Variants in RFC3 observed in about 807,000 individuals in gnomAD.
The protein encoded by RFC3 is replication factor C subunit 3, also known as A1 38 kDa subunit.
In RFC3, 41 loss-of-function variants were observed where a neutral mutation model predicts 45.1. The ratio of observed to expected loss-of-function variants is 0.91; its 90% confidence interval spans 0.71 to 1.18. RFC3 has a LOEUF of 1.18. Among genes scored for constraint, RFC3 ranks in the 50% most tolerant of loss-of-function variants. RFC3 has a pLI of 0.00. For synonymous variants in RFC3, 149 were observed against 144.0 expected (o/e 1.03, Z -0.25); for missense variants, 423 against 428.1 (o/e 0.99, Z 0.10).
At chr13:33,874,614 C>A (rs945499828) in intron 8 of RFC3, among the ~76,000 whole-genome samples, 1 of 152,296 alleles carries the variant, frequency 6.6e-6, no homozygotes, top group African/African-American at 2.4e-5. Context: ...CCACCATGCC[C>A]GGCCACTAGC....
intron 8 of RFC3, among the ~76,000 whole-genome samples, chr13:33,945,917 A>G (rs750294924): frequency 1.3e-5 from 2 of 152,162 alleles, no homozygotes; most frequent in Non-Finnish European, 2.9e-5. Context: ...TTTATCTTCT[A>G]TATATCCAGA....
chr13:33,926,854 A>C (rs1288002455), intron 8 of RFC3, among the ~76,000 whole-genome samples: 1 of 150,680 alleles, frequency 6.6e-6, no homozygotes, highest in Non-Finnish European at 1.5e-5. Flanking sequence ...GATTATATTC[A>C]TTTCAAAGCT....
At chr13:33,851,522 A>G (rs916239574) in intron 8 of RFC3, among the ~76,000 whole-genome samples, 4 of 152,144 alleles carry the variant, frequency 2.6e-5, no homozygotes, top group Admixed American at 1.3e-4. Context: ...TTTACTATCT[A>G]AAAATATATA....
chr13:33,953,209 G>A (rs898332812), intron 8 of RFC3, among the ~76,000 whole-genome samples: 2 of 151,852 alleles, frequency 1.3e-5, no homozygotes, highest in Admixed American at 1.3e-4. Flanking sequence ...GTATTAACCT[G>A]TAGGAAGGGT....
Position 33,918,263 on chromosome 13 carries a change from A to G in RFC3, c.880-47824A>G, listed in dbSNP as rs776529215. 2.3e-4 allele frequency among the ~76,000 whole-genome samples: 35 copies of G among 152,282 alleles called. 1 individual carries two copies. Among genetic ancestry groups the G allele is most frequent in the Non-Finnish European group, 4.1e-4 (28 of 68,008 alleles). On this transcript the variant is annotated intron_variant, in intron 8 of 8. Transcript: ENST00000434425. ...AGTTTGCATGGAATACACACTGTTA[A>G]CAACAGTTATTGGATTGGAGAATTA...
At chr13:33,936,487 A>G (rs1039720629) in intron 8 of RFC3, among the ~76,000 whole-genome samples, 10 of 152,176 alleles carry the variant, frequency 6.6e-5, no homozygotes, top group Non-Finnish European at 1.2e-4. Flanking sequence ...AGATGAAATT[A>G]GTTAAGGTGA....
intron 1 of RFC3, among the ~76,000 whole-genome samples, chr13:33,819,430 G>T (rs1398859593): frequency 6.6e-6 from 1 of 152,036 alleles, no homozygotes; most frequent in Non-Finnish European, 1.5e-5. Flanking sequence ...CCAATACCCT[G>T]GTTTTCCCTT....
chr13:33,839,435 C>A (rs929361622), downstream of RFC3, among the ~76,000 whole-genome samples: 1 of 152,172 alleles, frequency 6.6e-6, no homozygotes, highest in Non-Finnish European at 1.5e-5. Flanking sequence ...TATAAAGCTA[C>A]ATTTTTTACT....
chr13:33,956,139 C>T (rs1282721541), intron 8 of RFC3, among the ~76,000 whole-genome samples: 1 of 152,118 alleles, frequency 6.6e-6, no homozygotes, highest in Non-Finnish European at 1.5e-5. Context: ...TTAAAAATCC[C>T]CCTCTATCTT....
At chr13:33,873,797 A>G (rs1401133121) in intron 8 of RFC3, among the ~76,000 whole-genome samples, 1 of 152,200 alleles carries the variant, frequency 6.6e-6, no homozygotes, top group Non-Finnish European at 1.5e-5. Flanking sequence ...CTCACAGGAA[A>G]TGCTCCGGTA....
At chr13:33,879,074 C>G (rs1366483572) in intron 8 of RFC3, among the ~76,000 whole-genome samples, 2 of 152,106 alleles carry the variant, frequency 1.3e-5, no homozygotes, top group East Asian at 3.8e-4. Context: ...AATTTCTTCC[C>G]ATCCCAAATA....
chr13:33,898,537 A>G (rs2082616549), intron 8 of RFC3, among the ~76,000 whole-genome samples: 1 of 151,952 alleles, frequency 6.6e-6, no homozygotes, highest in Admixed American at 6.6e-5. Flanking sequence ...ATAGCAATTT[A>G]TACCTATATC....
At chr13:33,937,930 A>T (rs1391844971) in intron 8 of RFC3, among the ~76,000 whole-genome samples, 1 of 152,074 alleles carries the variant, frequency 6.6e-6, no homozygotes, top group Non-Finnish European at 1.5e-5. Flanking sequence ...GTACAGTCAG[A>T]GGGGTGGCAG....
intron 2 of RFC3, among the ~76,000 whole-genome samples, 158 bp downstream of exon 2, chr13:33,821,427 G>A (rs561766852): frequency 8.5e-5 from 13 of 152,278 alleles, no homozygotes; most frequent in African/African-American, 3.1e-4. Context: ...TACTGATATG[G>A]ATCTGTTATA....
chr13:33,925,948 A>G (rs2082809195), intron 8 of RFC3, among the ~76,000 whole-genome samples: 1 of 151,928 alleles, frequency 6.6e-6, no homozygotes, highest in Non-Finnish European at 1.5e-5. Context: ...AAATGATAGA[A>G]TTGCAATTTG....
At chr13:33,944,541 G>A (rs1952606) in intron 8 of RFC3, among the ~76,000 whole-genome samples, 6 of 151,948 alleles carry the variant, frequency 3.9e-5, no homozygotes, top group East Asian at 1.9e-4. Flanking sequence ...GTTCATTTGC[G>A]ATCACCATCC....
chr13:33,921,745 A>C lies in RFC3; in HGVS notation c.880-44342A>C, dbSNP rs191924718. On this transcript the variant is annotated intron_variant, in intron 8 of 8. Transcript: ENST00000434425. ...AAAGACACCCTCTGGGGTTTCTTTG[A>C]GATTTTTGATTTGCTTATCTCTTCC... is the stretch of plus-strand genomic sequence containing the variant. 2.5e-4 allele frequency among the ~76,000 whole-genome samples: 38 copies of C among 152,122 alleles called. 1 individual carries two copies. Among genetic ancestry groups the C allele is most frequent in the Admixed American group, 1.3e-3 (20 of 15,278 alleles).
chr13:33,881,020 G>T (rs2082479828), intron 8 of RFC3, among the ~76,000 whole-genome samples: 1 of 152,022 alleles, frequency 6.6e-6, no homozygotes, highest in African/African-American at 2.4e-5. Flanking sequence ...CGTGCCCTTG[G>T]ACTTCAGCCC....
chr13:33,876,781 G>A (rs890097208), intron 8 of RFC3, among the ~76,000 whole-genome samples: 4 of 152,216 alleles, frequency 2.6e-5, no homozygotes, highest in Non-Finnish European at 5.9e-5. Context: ...GCAGCATTGG[G>A]AAGTCGATTT....
Sources: allele counts gnomAD v4.1 joint callset (sites outside exome capture counted in the v4.1 genomes callset), GRCh38; gene constraint gnomAD v4.1.1; transcripts MANE v1.5; gene names NCBI Gene and HGNC (gene_info 2026-07-23, HGNC 2026-07-21).